ATP10B: variants seen among roughly 807,000 people sequenced by gnomAD.
The protein encoded by ATP10B is phospholipid-transporting ATPase VB.
A neutral mutation model predicts 141.2 loss-of-function variants in ATP10B; 122 were observed. The observed-to-expected ratio is 0.86, with a 90% CI of 0.75 to 1.00. The LOEUF (loss-of-function observed/expected upper bound fraction) is 1.00. Ranked by LOEUF, ATP10B falls within the 50% of genes least tolerant of loss-of-function variation. The pLI is 0.00. For synonymous variants in ATP10B, 685 were observed against 692.0 expected, an observed-to-expected ratio of 0.99 and a Z score of 0.16; for missense variants, 1,876 against 1,825.3, an observed-to-expected ratio of 1.03 and a Z score of -0.51.
chr5:160,570,252 AT>A (rs1754793549), intron 24 of ATP10B, among the ~76,000 whole-genome samples: 1 of 152,088 alleles, frequency 6.6e-6, no homozygotes, highest in Non-Finnish European at 1.5e-5. Flanking sequence ...TTCATATATA[AT>A]TAGGGTAATC....
chr5:160,708,001 ACT>A (rs1474193348), intron 3 of ATP10B, among the ~76,000 whole-genome samples: 4 of 152,188 alleles, frequency 2.6e-5, no homozygotes, highest in Admixed American at 2.6e-4. Flanking sequence ...CAGAAGACTT[ACT>A]CTCTGAGGTC....
At chr5:160,697,447 T>A (rs1040342045) in intron 3 of ATP10B, among the ~76,000 whole-genome samples, 1 of 152,218 alleles carries the variant, frequency 6.6e-6, no homozygotes, top group African/African-American at 2.4e-5. Context: ...TCAGTTCTTA[T>A]GAGCACAAAA....
At chr5:160,746,263 C>G (rs1767796838) in intron 2 of ATP10B, among the ~76,000 whole-genome samples, 1 of 152,180 alleles carries the variant, frequency 6.6e-6, no homozygotes, top group Non-Finnish European at 1.5e-5. Flanking sequence ...CAGAGTGGAG[C>G]CCTGGTGGGG....
the ATP10B span, among the ~76,000 whole-genome samples, chr5:160,870,676 T>G: frequency 4.6e-5 from 7 of 151,818 alleles, no homozygotes; most frequent in Non-Finnish European, 7.4e-5. Context: ...GGCTGAGAAT[T>G]TCCCCAAATT....
intron 21 of ATP10B, among the ~76,000 whole-genome samples, chr5:160,599,840 A>G (rs1308038597): frequency 6.6e-6 from 1 of 152,204 alleles, no homozygotes; most frequent in African/African-American, 2.4e-5. Flanking sequence ...ACATATAAGC[A>G]GCTGGTCCTG....
chr5:160,894,378 A>G, the ATP10B span, among the ~76,000 whole-genome samples: 4 of 152,044 alleles, frequency 2.6e-5, no homozygotes, highest in Non-Finnish European at 5.9e-5. Flanking sequence ...TGGAGCTGAA[A>G]AACACAGCAC....
At position 160,772,198 on chromosome 5, in the gene ATP10B, C is replaced by G. The variant is rs535065010; in HGVS notation, c.-331+13361G>C. On this transcript the variant is annotated intron_variant, in intron 2 of 25. Coordinates refer to ENST00000327245, the MANE Select transcript of ATP10B (RefSeq NM_025153.3). ...TTTTAGTTTTTGAGGAACCTCCATA[C>G]AGTTTTCCACAGTCACCACTAATCA... Among the ~76,000 whole-genome samples, 47 of 152,330 alleles carry G rather than the reference C, an allele frequency of 3.1e-4. No homozygotes were observed. In the South Asian group the frequency reaches 4.6e-3, roughly 15 times the overall value.
intron 2 of ATP10B, among the ~76,000 whole-genome samples, chr5:160,771,421 G>A (rs7728711): frequency 0.16 from 23,685 of 152,006 alleles, 2,643 homozygotes; most frequent in East Asian, 0.42. Context: ...TATGATTATA[G>A]AATAATGAGA....
At chr5:160,831,864 G>T (rs976210152) in intron 1 of ATP10B, among the ~76,000 whole-genome samples, 1 of 152,074 alleles carries the variant, frequency 6.6e-6, no homozygotes, top group Non-Finnish European at 1.5e-5. Flanking sequence ...ACACTGGTTT[G>T]AATAAAGTTA....
chr5:160,598,831 T>A lies in ATP10B; in HGVS notation c.3503A>T (p.Asp1168Val). Reference protein sequence around the residue: ...PPLVFGVLDKDISAETLLALP... With the variant: ...PPLVFGVLDKVISAETLLALP... The stretch of plus-strand genomic sequence containing the variant: ...TGCCAGGAGTGTTTCTGCAGAGATG[T>A]CTTTGTCAAGGACTCCAAAGACAAG... The change falls in exon 22 of 26, where the codon GAC becomes GTC. Residue 1168 changes from aspartate (D) to valine (V), a missense_variant. Coordinates refer to ENST00000327245, the MANE Select transcript of ATP10B (RefSeq NM_025153.3). The A allele has an allele frequency of 6.2e-7, 1 of 1,614,146 alleles. No individual in the cohort carries two copies. The highest frequency in any genetic ancestry group is 8.5e-7 in the Non-Finnish European group (1 of 1,180,012).
At chr5:160,928,241 G>A in the ATP10B span, among the ~76,000 whole-genome samples, 63 of 152,292 alleles carry the variant, frequency 4.1e-4, no homozygotes, top group African/African-American at 1.4e-3. Context: ...CACAGTCCCT[G>A]TATTCTTAAT....
chr5:160,707,433 T>C lies in ATP10B; in HGVS notation c.-205+9476A>G, dbSNP rs17058161. 1.9e-3 allele frequency among the ~76,000 whole-genome samples: 292 copies of C among 152,354 alleles called. 1 individual carries two copies. The highest frequency in any genetic ancestry group is 6.8e-3 in the African/African-American group (282 of 41,580). ...TTGATGACAGCCAATCACAACTTTC[T>C]TGCTCCATTTGAGATGCTGAAGGGA... On this transcript the variant is annotated intron_variant, in intron 3 of 25. Transcript: ENST00000327245.
At position 160,565,913 on chromosome 5, in the gene ATP10B, A is replaced by C. The variant is rs372678718; in HGVS notation, c.3939-13T>G. The stretch of plus-strand genomic sequence containing the variant: ...CAGGAAAAAGTATCTGGTGGGAAAC[A>C]ACAGAATAAAGATATTTCTGATTTC... On this transcript the variant is annotated splice_polypyrimidine_tract_variant and intron_variant, in intron 25 of 25. Coordinates refer to ENST00000327245, the MANE Select transcript of ATP10B (RefSeq NM_025153.3). The C allele has an allele frequency of 4.4e-6, 7 of 1,590,864 alleles. No individual in the cohort carries two copies. The African/African-American group carries it at 9.5e-5, about 22-fold the overall frequency.
chr5:160,693,849 C>T (rs1297016344), intron 3 of ATP10B, among the ~76,000 whole-genome samples: 2 of 152,218 alleles, frequency 1.3e-5, no homozygotes, highest in Non-Finnish European at 1.5e-5. Flanking sequence ...AGGCAATGCT[C>T]GCCTGCCACT....
intron 1 of ATP10B, among the ~76,000 whole-genome samples, chr5:160,823,662 C>T (rs1372540877): frequency 6.6e-6 from 1 of 152,102 alleles, no homozygotes; most frequent in African/African-American, 2.4e-5. Context: ...CGAGACCATC[C>T]TGGCTACTAA....
chr5:160,867,739 T>C, the ATP10B span, among the ~76,000 whole-genome samples: 1 of 152,172 alleles, frequency 6.6e-6, no homozygotes, highest in Non-Finnish European at 1.5e-5. Flanking sequence ...GTATAATAGA[T>C]GTGAATCCCC....
At chr5:160,925,406 T>C in the ATP10B span, among the ~76,000 whole-genome samples, 2 of 152,242 alleles carry the variant, frequency 1.3e-5, no homozygotes, top group African/African-American at 4.8e-5. Context: ...GAGTTTATTA[T>C]CACCCCCGTT....
At chr5:160,771,453 C>T (rs899145394) in intron 2 of ATP10B, among the ~76,000 whole-genome samples, 3 of 152,106 alleles carry the variant, frequency 2.0e-5, no homozygotes, top group Admixed American at 1.3e-4. Flanking sequence ...AGAATTACTT[C>T]ATGAGCTGCT....
At chr5:160,894,256 G>A in the ATP10B span, among the ~76,000 whole-genome samples, 504 of 152,094 alleles carry the variant, frequency 3.3e-3, 5 homozygotes, top group African/African-American at 0.012. Context: ...AAACTCCTCC[G>A]AGCTAAAGCA....
Sources: allele counts gnomAD v4.1 joint callset (sites outside exome capture counted in the v4.1 genomes callset), GRCh38; gene constraint gnomAD v4.1.1; transcripts MANE v1.5; gene names NCBI Gene and HGNC (gene_info 2026-07-23, HGNC 2026-07-21).